PWP1: variants seen among roughly 807,000 people sequenced by gnomAD.
PWP1 encodes the protein PWP1 homolog, endonuclein, also known as periodic tryptophan protein 1 homolog.
A neutral mutation model predicts 69.9 loss-of-function variants in PWP1; 47 were observed. That is an observed-to-expected ratio of 0.67 (90% CI 0.53 to 0.86). The LOEUF (loss-of-function observed/expected upper bound fraction) is 0.86, where lower values mean the gene tolerates loss of function less well. Among genes scored for constraint, PWP1 ranks in the 40% least tolerant of loss-of-function variants. The pLI is 0.00. For synonymous variants in PWP1, 222 were observed against 208.2 expected (o/e 1.07, Z -0.57); for missense variants, 551 against 608.8 (o/e 0.91, Z 1.00).
intron 7 of PWP1, 80 bp downstream of exon 7, chr12:107,697,677 C>T (rs932115327): frequency 6.6e-6 from 9 of 1,369,548 alleles, no homozygotes; most frequent in South Asian, 1.2e-5. Flanking sequence ...TAAGACCGTA[C>T]ACTTTTTCAA....
intron 5 of PWP1, 117 bp from the exon 6 acceptor site, chr12:107,696,357 G>A (rs1205940493): frequency 1.3e-5 from 18 of 1,384,212 alleles, no homozygotes; most frequent in East Asian, 2.5e-5. Flanking sequence ...AATATCAGAT[G>A]TCTCACTTTA....
At chr12:107,692,049 CAG>C (rs1277478315) in intron 3 of PWP1, among the ~76,000 whole-genome samples, 1 of 152,154 alleles carries the variant, frequency 6.6e-6, no homozygotes, top group Non-Finnish European at 1.5e-5. Flanking sequence ...TTGTTAGGGA[CAG>C]AGTGCCATAG....
rs1889354082 is a variant in PWP1, at chr12:107,685,947, C to CGT, written c.50_51dup (p.Ala18TrpfsTer9). The stretch of plus-strand genomic sequence containing the variant: ...CGTGCGTGGCCTGGGTCCGCTGCGG[C>CGT]GTGGCCAAAGAGACACCAGACAAGG... On this transcript the variant is annotated frameshift_variant, in exon 1 of 15. Transcript: ENST00000412830. LOFTEE classifies it high-confidence loss of function. 2 of 1,613,936 alleles carry CGT rather than the reference C, an allele frequency of 1.2e-6. No individual in the cohort carries two copies. The highest frequency in any genetic ancestry group is 1.3e-5 in the African/African-American group (1 of 75,052).
At chr12:107,688,991 CA>C (rs1889430264) in intron 3 of PWP1, among the ~76,000 whole-genome samples, 189 bp downstream of exon 3, 1 of 151,960 alleles carries the variant, frequency 6.6e-6, no homozygotes. Context: ...CACTAAGATA[CA>C]AATCTAGGAT....
Position 107,685,969 on chromosome 12 carries a change from A to G in PWP1, c.70A>G (p.Lys24Glu). ...CGGCGTGGCCAAAGAGACACCAGAC[A>G]AGGTGAGGCCTGGTCGCTGGGAGAC... ...RCGVAKETPD[K>E]VELSKEEVKR... The change falls in exon 1 of 15, where the codon AAG (lysine) becomes GAG (glutamate). Residue 24 changes from lysine (K) to glutamate (E), a missense_variant and splice_region_variant. Transcript: ENST00000412830. The G allele has an allele frequency of 6.2e-7, 1 of 1,613,918 alleles. No homozygotes were observed. Among genetic ancestry groups the G allele is most frequent in the Non-Finnish European group, 8.5e-7 (1 of 1,179,954 alleles).
intron 11 of PWP1, among the ~76,000 whole-genome samples, chr12:107,705,372 G>GTT (rs549542883): frequency 7.1e-6 from 1 of 141,296 alleles, no homozygotes. Context: ...GTGAGAAAGA[G>GTT]TTTTTTTTTT....
chr12:107,697,685 C>T, intron 7 of PWP1, 88 bp downstream of exon 7: 1 of 1,314,184 alleles, frequency 7.6e-7, no homozygotes, highest in African/African-American at 1.5e-5. Context: ...TACACTTTTT[C>T]AATCAGGTAT....
intron 3 of PWP1, among the ~76,000 whole-genome samples, chr12:107,691,642 C>G (rs1236880325): frequency 6.6e-6 from 1 of 152,052 alleles, no homozygotes; most frequent in Non-Finnish European, 1.5e-5. Flanking sequence ...TGGATGAACT[C>G]TCTTCCAGAA....
At position 107,712,660 on chromosome 12, in the gene PWP1, CCTAA is replaced by C. The variant is rs1287194824; in HGVS notation, c.*443_*446del. 1 of 153,722 alleles carries C rather than the reference CCTAA, an allele frequency of 6.5e-6. No homozygotes were observed. Among genetic ancestry groups the C allele is most frequent in the East Asian group, 1.9e-4 (1 of 5,252 alleles). 9.5% of individuals were successfully genotyped at this position (153,722 alleles called of 1,614,324 possible). A position where few individuals can be genotyped will look rare whatever the true frequency, so the allele number is the denominator to read the frequency against. ...GTGCCCCAGAGACTCCACTTTCATTCCTAACTGTTCTCAAATTAATGCTCATGAT... is the reference window on the plus strand; with the variant it reads ...GTGCCCCAGAGACTCCACTTTCATTCCTGTTCTCAAATTAATGCTCATGAT... On this transcript the variant is annotated 3_prime_UTR_variant, in exon 15 of 15. Transcript: ENST00000412830.
At chr12:107,699,491 C>T in intron 8 of PWP1, 57 bp downstream of exon 8, 3 of 1,345,482 alleles carry the variant, frequency 2.2e-6, no homozygotes, top group Non-Finnish European at 3.2e-6. Context: ...GTGATCTTAC[C>T]TCATGCCTAC....
chr12:107,710,602 G>A, intron 14 of PWP1, 92 bp downstream of exon 14: 1 of 1,419,650 alleles, frequency 7.0e-7, no homozygotes, highest in Non-Finnish European at 9.3e-7. Context: ...TGCCCAGGCT[G>A]GTCTCAAACT....
rs1889978689 is a variant in PWP1 at position 107,712,568 on chromosome 12, G to GGT, written c.*349_*350dup. ...TAAAATCCGGTAATATTAAAAGATA[G>GGT]GTAAACCTAGGCCTGGAAAGGCTGT... On this transcript the variant is annotated 3_prime_UTR_variant, in exon 15 of 15. Transcript: ENST00000412830. The GGT allele has an allele frequency of 5.9e-6, 1 of 170,554 alleles. No homozygotes were observed. The highest frequency in any genetic ancestry group is 2.4e-5 in the African/African-American group (1 of 41,836). 10.6% of individuals were successfully genotyped at this position (170,554 alleles called of 1,614,324 possible). A position where few individuals can be genotyped will look rare whatever the true frequency, so the allele number is the denominator to read the frequency against.
rs1889984559 is a variant in PWP1, at chr12:107,712,790, C to CTT, written c.*570_*571insTT. Reference sequence around the variant, plus strand: ...CTGTTATCAAAGACAAGAGGCAGACCATTCATTCATTCTCAAAACACTGAA... The same window carrying CTT: ...CTGTTATCAAAGACAAGAGGCAGACCTTATTCATTCATTCTCAAAACACTGAA... On this transcript the variant is annotated 3_prime_UTR_variant, in exon 15 of 15. Transcript: ENST00000412830. The CTT allele has an allele frequency of 6.6e-6, 1 of 152,376 alleles. No individual in the cohort carries two copies. The highest frequency in any genetic ancestry group is 6.5e-5 in the Admixed American group (1 of 15,296). The allele number at this position is 152,376 out of a possible 1,614,324, so 9.4% of individuals were successfully genotyped here.
intron 11 of PWP1, among the ~76,000 whole-genome samples, chr12:107,706,716 G>A (rs540748606): frequency 3.2e-4 from 49 of 152,270 alleles, no homozygotes; most frequent in African/African-American, 1.2e-3. Flanking sequence ...TTGTAGATGT[G>A]TGGTATTATT....
In PWP1 at chr12:107,697,508, G is replaced by A; in HGVS notation, c.655G>A (p.Val219Met). Residue 219 changes from valine (V) to methionine (M), a missense_variant, in exon 7 of 15, where the codon GTG becomes ATG. Val to Met is a conservative substitution (Grantham distance 21). Coordinates refer to ENST00000412830, the MANE Select transcript of PWP1 (RefSeq NM_007062.3). ...AGGAAACATGACCCCTGTTATTGAA[G>A]TGTGGGACCTTGATATAGTGGACTC... ...AVGNMTPVIE[V>M]WDLDIVDSLE... 1 of 1,606,946 alleles carries A rather than the reference G, an allele frequency of 6.2e-7. No individual in the cohort carries two copies. The highest frequency in any genetic ancestry group is 2.2e-5 in the East Asian group (1 of 44,772).
At chr12:107,696,357 G>C in intron 5 of PWP1, 117 bp from the exon 6 acceptor site, 1 of 1,384,332 alleles carries the variant, frequency 7.2e-7, no homozygotes, top group Non-Finnish European at 9.6e-7. Context: ...AATATCAGAT[G>C]TCTCACTTTA....
In PWP1 at chr12:107,687,658, C is replaced by T. The variant is rs1176437130; in HGVS notation, c.73-790C>T. Among the ~76,000 whole-genome samples, 4 of 152,112 alleles carry T rather than the reference C, an allele frequency of 2.6e-5. No individual in the cohort carries two copies. In the East Asian group the frequency reaches 7.7e-4, roughly 29 times the overall value. ...GCTCGTGCCTGTAATCCTAGTCATT[C>T]AGGAAGCTGAGGTGGGAGGATCGCA... On this transcript the variant is annotated intron_variant, in intron 1 of 14. Coordinates refer to ENST00000412830, the MANE Select transcript of PWP1 (RefSeq NM_007062.3).
intron 6 of PWP1, 151 bp downstream of exon 6, chr12:107,696,735 C>A: frequency 7.7e-7 from 1 of 1,300,292 alleles, no homozygotes; most frequent in Non-Finnish European, 1.0e-6. Flanking sequence ...GAGTTCTTAA[C>A]ACACCATCAC....
chr12:107,692,769 C>T, intron 3 of PWP1, 45 bp from the exon 4 acceptor site: 2 of 1,480,430 alleles, frequency 1.4e-6, no homozygotes, highest in Non-Finnish European at 1.9e-6. Context: ...ATGTTTTTGT[C>T]AAGATGACTA....
Sources: gnomAD v4.1 joint callset for allele counts (sites outside exome capture counted in the v4.1 genomes callset) on GRCh38, gnomAD v4.1.1 for gene constraint, MANE v1.5 for transcripts, NCBI Gene and HGNC (gene_info 2026-07-23, HGNC 2026-07-21) for gene names.